CNIH3: variants seen among roughly 807,000 people sequenced by gnomAD.
CNIH3 encodes the protein cornichon family AMPA receptor auxiliary protein 3, also known as protein cornichon homolog 3.
Under a neutral mutation model 24.1 loss-of-function variants are expected in CNIH3, and 14 were observed. The ratio of observed to expected loss-of-function variants is 0.58; its 90% CI spans 0.38 to 0.91. CNIH3 has a LOEUF of 0.91. CNIH3 is among the 40% of genes least tolerant of loss of function. The probability of loss-of-function intolerance (pLI) is 0.00; values close to 1 mark genes in which losing one functional copy is unlikely to be tolerated. For synonymous variants in CNIH3, 68 were observed against 73.8 expected (o/e 0.92, Z 0.40); for missense variants, 178 against 196.8 (o/e 0.90, Z 0.57).
At chr1:224,515,814 T>A (rs1678357443), upstream of CNIH3, 1 of 152,210 alleles carries the variant, frequency 6.6e-6, no homozygotes, top group African/African-American at 2.4e-5. Flanking sequence ...GGATGCCCAC[T>A]GTTCCCCCAG....
intron 1 of CNIH3, among the ~76,000 whole-genome samples, chr1:224,664,190 G>T (rs1685492228): frequency 6.6e-6 from 1 of 152,174 alleles, no homozygotes; most frequent in South Asian, 2.1e-4. Flanking sequence ...AATCATGATG[G>T]ATGAGGGATC....
intron 1 of CNIH3, among the ~76,000 whole-genome samples, chr1:224,448,456 C>G (rs1675253757): frequency 6.6e-6 from 1 of 152,056 alleles, no homozygotes; most frequent in African/African-American, 2.4e-5. Flanking sequence ...ATAATTTGAT[C>G]TTTAGATCAG....
chr1:224,530,969 C>G (rs1277831517), intron 2 of CNIH3, among the ~76,000 whole-genome samples: 2 of 152,042 alleles, frequency 1.3e-5, no homozygotes, highest in East Asian at 3.8e-4. Flanking sequence ...TTTTTTCCCC[C>G]CTAGGATAAA....
intron 3 of CNIH3, among the ~76,000 whole-genome samples, chr1:224,608,689 T>C (rs1409459830): frequency 6.6e-6 from 1 of 152,220 alleles, no homozygotes; most frequent in Non-Finnish European, 1.5e-5. Context: ...TAGTTTTTAC[T>C]TCTTCTTTCT....
intron 3 of CNIH3, among the ~76,000 whole-genome samples, chr1:224,698,790 G>T (rs9725216): frequency 0.78 from 117,914 of 151,842 alleles, 46,462 homozygotes; most frequent in Middle Eastern, 0.87. Flanking sequence ...TTGTGAATCT[G>T]GTTCACTTGC....
At chr1:224,727,296 C>T (rs1057254381) in intron 3 of CNIH3, among the ~76,000 whole-genome samples, 3 of 151,344 alleles carry the variant, frequency 2.0e-5, no homozygotes, top group Non-Finnish European at 1.5e-5. Flanking sequence ...ACAACAACAA[C>T]AACACTCAAC....
intron 3 of CNIH3, among the ~76,000 whole-genome samples, chr1:224,700,193 C>T (rs557935903): frequency 6.6e-6 from 1 of 152,336 alleles, no homozygotes; most frequent in South Asian, 2.1e-4. Flanking sequence ...TGTTTGCTAG[C>T]TCTGGGTCTC....
At chr1:224,459,153 GC>G in intron 1 of CNIH3, 4 of 933,384 alleles carry the variant, frequency 4.3e-6, no homozygotes, top group Non-Finnish European at 3.8e-6. Flanking sequence ...GACATCCAGG[GC>G]CCCTCTCTTT....
chr1:224,519,347 A>G (rs1316479443), intron 1 of CNIH3, among the ~76,000 whole-genome samples: 1 of 152,094 alleles, frequency 6.6e-6, no homozygotes, highest in Non-Finnish European at 1.5e-5. Context: ...CTGTCTGTGG[A>G]CTGAGACTTA....
intron 3 of CNIH3, among the ~76,000 whole-genome samples, chr1:224,701,751 A>G (rs1352903288): frequency 2.0e-5 from 3 of 152,210 alleles, no homozygotes; most frequent in Non-Finnish European, 4.4e-5. Flanking sequence ...AGACATCGTT[A>G]TGGTCCCCTT....
At chr1:224,448,339 C>G (rs1346157975) in intron 1 of CNIH3, among the ~76,000 whole-genome samples, 1 of 152,152 alleles carries the variant, frequency 6.6e-6, no homozygotes, top group Non-Finnish European at 1.5e-5. Context: ...TGAGATGTCC[C>G]TTGAGGACTG....
At chr1:224,594,955 T>C (rs572357527) in intron 3 of CNIH3, among the ~76,000 whole-genome samples, 4 of 152,384 alleles carry the variant, frequency 2.6e-5, no homozygotes, top group South Asian at 4.1e-4. Flanking sequence ...TTGTATTTTT[T>C]ACAAATTGAA....
rs1355137316 is a variant in CNIH3, at chr1:224,452,497, G to A, written n.203+17635G>A. Among the ~76,000 whole-genome samples, 3 of 151,972 alleles carry A rather than the reference G, an allele frequency of 2.0e-5. No individual in the cohort carries two copies. The East Asian group carries it at 5.9e-4, about 30-fold the overall frequency. On this transcript the variant is annotated intron_variant and non_coding_transcript_variant, in intron 1 of 5. Transcript: ENST00000471578. ...AAATGGATATTTTAAAAAGTAAAGT[G>A]TTGGCCGGGCACGGTGGCTCACACC...
chr1:224,593,813 C>G (rs1453596828), intron 3 of CNIH3, among the ~76,000 whole-genome samples: 1 of 152,208 alleles, frequency 6.6e-6, no homozygotes, highest in Non-Finnish European at 1.5e-5. Context: ...TAGACATTTG[C>G]TCCCCTCTGT....
intron 1 of CNIH3, among the ~76,000 whole-genome samples, chr1:224,470,999 T>C (rs1379487741): frequency 6.6e-6 from 1 of 152,226 alleles, no homozygotes; most frequent in East Asian, 1.9e-4. Context: ...AATTAAATTA[T>C]TTTTTACTAT....
intron 1 of CNIH3, among the ~76,000 whole-genome samples, chr1:224,628,287 A>G (rs1226775733): frequency 1.3e-5 from 2 of 152,132 alleles, no homozygotes; most frequent in Non-Finnish European, 2.9e-5. Flanking sequence ...AAATACGTAT[A>G]TGACATTTAC....
At chr1:224,629,732 A>G (rs1184542927) in intron 1 of CNIH3, among the ~76,000 whole-genome samples, 1 of 150,648 alleles carries the variant, frequency 6.6e-6, no homozygotes, top group Admixed American at 6.6e-5. Flanking sequence ...ACAGGCAGAA[A>G]CTCTTGGTCC....
rs1335717019 is a variant in CNIH3, at chr1:224,604,903, A to G, written n.402+38639A>G. On this transcript the variant is annotated intron_variant and non_coding_transcript_variant, in intron 3 of 7. Transcript: ENST00000478120. This position sits in a 1 kb window ranked among gnomAD's most constrained non-coding sequence, Gnocchi z 4.4. ...CAGAGAAGAGTTTTACTGAGTGATG[A>G]AAATGGCTTTCAGAGGAGAGGGGAC... Among the ~76,000 whole-genome samples, 1 of 152,164 alleles carries G rather than the reference A, an allele frequency of 6.6e-6. No homozygotes were observed. Among genetic ancestry groups the G allele is most frequent in the African/African-American group, 2.4e-5 (1 of 41,440 alleles).
intron 3 of CNIH3, among the ~76,000 whole-genome samples, chr1:224,714,584 G>C (rs550444021): frequency 1.3e-5 from 2 of 152,314 alleles, no homozygotes; most frequent in East Asian, 3.9e-4. Flanking sequence ...CATTCCCTGT[G>C]CCGTGGTTTG....
Sources: gnomAD v4.1 joint callset for allele counts (sites outside exome capture counted in the v4.1 genomes callset) on GRCh38, gnomAD v4.1.1 for gene constraint, Gnocchi (gnomAD v3.1) non-coding constraint, MANE v1.5 for transcripts, NCBI Gene and HGNC (gene_info 2026-07-23, HGNC 2026-07-21) for gene names.